Variants in DIAPH3 observed in about 807,000 individuals in gnomAD.
DIAPH3 encodes diaphanous related formin 3.
DIAPH3 carries 117 observed loss-of-function variants against 144.3 expected under a neutral mutation model. The ratio of observed to expected loss-of-function variants is 0.81; its 90% CI spans 0.70 to 0.95. DIAPH3 has a LOEUF of 0.95. Ranked by LOEUF, DIAPH3 falls within the 40% of genes least tolerant of loss-of-function variation. The pLI is 0.00. For synonymous variants in DIAPH3, 519 were observed against 488.9 expected (o/e 1.06, Z -0.81); for missense variants, 1,421 against 1,412.7 (o/e 1.01, Z -0.09).
intron 27 of DIAPH3, among the ~76,000 whole-genome samples, chr13:59,759,204 T>C (rs1230436605): frequency 6.6e-6 from 1 of 152,142 alleles, no homozygotes; most frequent in Non-Finnish European, 1.5e-5. Flanking sequence ...AAAGAGGTTA[T>C]AGATAGAACT....
intron 4 of DIAPH3, among the ~76,000 whole-genome samples, chr13:60,070,805 T>C (rs2057177941): frequency 6.6e-6 from 1 of 152,228 alleles, no homozygotes; most frequent in Admixed American, 6.5e-5. Flanking sequence ...ATATAAATTA[T>C]TTTCCATTTT....
chr13:59,678,193 G>A (rs931518133), intron 27 of DIAPH3, among the ~76,000 whole-genome samples: 1 of 152,078 alleles, frequency 6.6e-6, no homozygotes, highest in African/African-American at 2.4e-5. Context: ...CTGACGGACT[G>A]GCCTTTTTTT....
At chr13:59,827,442 G>C (rs1316075922) in intron 24 of DIAPH3, among the ~76,000 whole-genome samples, 6 of 152,024 alleles carry the variant, frequency 3.9e-5, no homozygotes, top group Non-Finnish European at 7.4e-5. Flanking sequence ...TTACCCGTAA[G>C]GAGTTCTGCA....
At chr13:59,884,648 T>C (rs1416682607) in intron 20 of DIAPH3, among the ~76,000 whole-genome samples, 2 of 152,006 alleles carry the variant, frequency 1.3e-5, no homozygotes, top group Non-Finnish European at 2.9e-5. Context: ...ATTAAGACAC[T>C]AGAGAAAAAA....
intron 4 of DIAPH3, among the ~76,000 whole-genome samples, chr13:60,047,262 C>A (rs936591264): frequency 6.6e-6 from 1 of 151,512 alleles, no homozygotes. Context: ...CCATTAAGTA[C>A]ATTTTCTGAA....
At position 59,852,954 on chromosome 13, in the gene DIAPH3, T is replaced by C. The variant is rs1201587320; in HGVS notation, c.2737+8453A>G. Among the ~76,000 whole-genome samples, 10 of 152,190 alleles carry C rather than the reference T, an allele frequency of 6.6e-5. No individual in the cohort carries two copies. The South Asian group carries it at 1.4e-3, about 22-fold the overall frequency. On this transcript the variant is annotated intron_variant, in intron 22 of 27. Coordinates refer to ENST00000400324, the MANE Select transcript of DIAPH3 (RefSeq NM_001042517.2). ...CACACTATAAGAAACATGGAGAATATTTATATAATGATTAATAGGTACTTT... is the reference window on the plus strand; with the variant it reads ...CACACTATAAGAAACATGGAGAATACTTATATAATGATTAATAGGTACTTT...
chr13:59,812,395 AAAAG>A (rs1173823898), intron 24 of DIAPH3, among the ~76,000 whole-genome samples: 2 of 152,114 alleles, frequency 1.3e-5, no homozygotes, highest in Middle Eastern at 3.2e-3. Flanking sequence ...GGGAGAAAAA[AAAAG>A]AGAGAGAGGA....
intron 25 of DIAPH3, among the ~76,000 whole-genome samples, chr13:59,807,490 T>C (rs938947719): frequency 6.6e-6 from 1 of 152,078 alleles, no homozygotes; most frequent in Admixed American, 6.5e-5. Flanking sequence ...GATATAGACA[T>C]AGCACATATC....
intron 18 of DIAPH3, among the ~76,000 whole-genome samples, chr13:59,921,539 AC>A (rs1334628976): frequency 6.6e-6 from 1 of 151,996 alleles, no homozygotes; most frequent in African/African-American, 2.4e-5. Flanking sequence ...ATAAAACAAT[AC>A]AATACCTGAA....
At chr13:60,127,564 G>A (rs1198429424) in intron 2 of DIAPH3, among the ~76,000 whole-genome samples, 3 of 151,890 alleles carry the variant, frequency 2.0e-5, no homozygotes, top group Non-Finnish European at 2.9e-5. Flanking sequence ...AATAATAGCC[G>A]AAAACTGGAA....
intron 2 of DIAPH3, among the ~76,000 whole-genome samples, chr13:60,115,024 G>A (rs572969601): frequency 6.6e-6 from 1 of 152,108 alleles, no homozygotes; most frequent in African/African-American, 2.4e-5. Context: ...ATACATTGCT[G>A]TATGTTAAAT....
intron 27 of DIAPH3, among the ~76,000 whole-genome samples, chr13:59,749,519 CAA>C (rs60918644): frequency 4.5e-4 from 23 of 51,230 alleles, no homozygotes; most frequent in African/African-American, 1.6e-3. Context: ...GACTCCATCT[CAA>C]AAAAAAAAAA....
intron 9 of DIAPH3, among the ~76,000 whole-genome samples, chr13:59,996,811 TAAC>T (rs2052220594): frequency 6.6e-6 from 1 of 152,064 alleles, no homozygotes; most frequent in South Asian, 2.1e-4. Context: ...CGAAAGAGGT[TAAC>T]AACAAGATAG....
intron 4 of DIAPH3, among the ~76,000 whole-genome samples, chr13:60,091,279 T>G (rs1279151292): frequency 6.6e-6 from 1 of 152,196 alleles, no homozygotes; most frequent in East Asian, 1.9e-4. Context: ...GTACATCCAG[T>G]GCTGCTTCAC....
intron 24 of DIAPH3, among the ~76,000 whole-genome samples, chr13:59,824,058 A>G (rs779810468): frequency 1.3e-5 from 2 of 152,178 alleles, no homozygotes; most frequent in Non-Finnish European, 2.9e-5. Flanking sequence ...ATCTAGATGA[A>G]ACATAAATTT....
chr13:60,013,158 C>T (rs1300796415), intron 7 of DIAPH3: 11 of 985,318 alleles, frequency 1.1e-5, no homozygotes, highest in Non-Finnish European at 1.2e-5. Context: ...GGACCCACTC[C>T]GGACAATATG....
At chr13:59,894,182 C>A (rs918336919) in intron 20 of DIAPH3, among the ~76,000 whole-genome samples, 1 of 151,884 alleles carries the variant, frequency 6.6e-6, no homozygotes, top group African/African-American at 2.4e-5. Flanking sequence ...TTGCTATTGT[C>A]TGAGGATATC....
At chr13:60,140,870 T>C (rs943415798) in intron 1 of DIAPH3, among the ~76,000 whole-genome samples, 4 of 152,172 alleles carry the variant, frequency 2.6e-5, no homozygotes, top group Admixed American at 2.0e-4. Context: ...GCTAGTTTTT[T>C]AATGCATATT....
chr13:59,788,073 G>C (rs2039127258), intron 25 of DIAPH3, among the ~76,000 whole-genome samples: 1 of 152,092 alleles, frequency 6.6e-6, no homozygotes, highest in African/African-American at 2.4e-5. Context: ...AGACTGAATG[G>C]ACTAAGACAC....
Sources: allele counts gnomAD v4.1 joint callset (sites outside exome capture counted in the v4.1 genomes callset), GRCh38; gene constraint gnomAD v4.1.1; transcripts MANE v1.5; gene names NCBI Gene and HGNC (gene_info 2026-07-23, HGNC 2026-07-21).